Variants in IFI27L2 observed in about 807,000 individuals in gnomAD.
IFI27L2 encodes the protein interferon alpha inducible protein 27 like 2.
A neutral mutation model predicts 7.9 loss-of-function variants in IFI27L2; 8 were observed. The ratio of observed to expected loss-of-function variants is 1.02; its 90% confidence interval spans 0.60 to 1.84. The LOEUF (loss-of-function observed/expected upper bound fraction) is 1.84, where lower values mean the gene tolerates loss of function less well. IFI27L2 is among the 40% of genes most tolerant of loss of function. The probability of loss-of-function intolerance (pLI) is 0.00; values close to 1 mark genes in which losing one functional copy is unlikely to be tolerated. For synonymous variants in IFI27L2, 56 were observed against 66.5 expected (o/e 0.84, Z 0.77); for missense variants, 190 against 165.8 (o/e 1.15, Z -0.80).
chr14:94,128,226 A>G (rs1262788551), intron 3 of IFI27L2, among the ~76,000 whole-genome samples: 2 of 152,186 alleles, frequency 1.3e-5, no homozygotes, highest in Non-Finnish European at 2.9e-5. Context: ...GAGGCCACTG[A>G]GGCCCAGAGA....
intron 2 of IFI27L2, 130 bp from the exon 3 acceptor site, chr14:94,128,805 A>C: frequency 1.4e-6 from 1 of 713,638 alleles, no homozygotes; most frequent in Non-Finnish European, 2.3e-6. Context: ...ATGGCAACTT[A>C]GTGGTCTTCT....
intron 2 of IFI27L2, 55 bp from the exon 3 acceptor site, chr14:94,128,730 C>G (rs1887631212): frequency 7.0e-7 from 1 of 1,421,900 alleles, no homozygotes; most frequent in African/African-American, 1.4e-5. Context: ...GGGACCCTTC[C>G]CCCCGCCCCC....
At chr14:94,129,451 G>C in intron 1 of IFI27L2, 107 bp downstream of exon 1, 1 of 1,216,702 alleles carries the variant, frequency 8.2e-7, no homozygotes, top group East Asian at 2.4e-5. Context: ...AGGTCAGCTG[G>C]TTGATGAAGT....
rs777350726 is a variant in IFI27L2 at position 94,127,935 on chromosome 14, A to C, written c.257T>G (p.Leu86Trp). 2 of 1,613,840 alleles carry C rather than the reference A, an allele frequency of 1.2e-6. No individual in the cohort carries two copies. The highest frequency in any genetic ancestry group is 2.7e-5 in the African/African-American group (2 of 74,908). ...AGGTGAATTCCCCAAGCAGGCCCCC[A>C]ACACTGACCCAACAGAGGCCAGGAG... ...NILLASVGSVLGACLGNSPSS... is the reference protein window; with the variant it reads ...NILLASVGSVWGACLGNSPSS... The change falls in exon 4 of 4, where the codon TTG becomes TGG. Residue 86 changes from leucine to tryptophan, a missense_variant. Leu to Trp is a moderately conservative substitution (Grantham distance 61). Transcript: ENST00000238609.
At position 94,128,724 on chromosome 14, in the gene IFI27L2, C is replaced by A. The variant is rs914098226; in HGVS notation, c.38-49G>T. ...GCAGAGGTGGGCTCAGGAGAAGGGACCCTTCCCCCCGCCCCCCGCTTAGGA... is the reference window on the plus strand; with the variant it reads ...GCAGAGGTGGGCTCAGGAGAAGGGAACCTTCCCCCCGCCCCCCGCTTAGGA... On this transcript the variant is annotated intron_variant, in intron 2 of 3. Coordinates refer to ENST00000238609, the MANE Select transcript of IFI27L2 (RefSeq NM_032036.3). 6 of 1,495,170 alleles carry A rather than the reference C, an allele frequency of 4.0e-6. No individual in the cohort carries two copies. The African/African-American group carries it at 5.6e-5, about 14-fold the overall frequency. The allele number at this position is 1,495,170 out of a possible 1,614,324, so 92.6% of individuals were successfully genotyped here.
At position 94,128,559 on chromosome 14, in the gene IFI27L2, C is replaced by A. The variant is rs1450793248; in HGVS notation, c.154G>T (p.Gly52Cys). The change falls in exon 3 of 4, where the codon GGT (glycine) becomes TGT (cysteine). Residue 52 changes from glycine (G) to cysteine (C), a missense_variant. Coordinates refer to ENST00000238609, the MANE Select transcript of IFI27L2 (RefSeq NM_032036.3). ...ACCAGGCTCCCCGCAGAAACACCACCCCCGTTGGCAATGGCTGCTGCGGAC... is the reference window on the plus strand; with the variant it reads ...ACCAGGCTCCCCGCAGAAACACCACACCCGTTGGCAATGGCTGCTGCGGAC... ...MMSAAAIANG[G>C]GVSAGSLVAT... is the part of the protein sequence containing the mutation. 6.2e-7 allele frequency: 1 copy of A among 1,614,208 alleles called. No individual in the cohort carries two copies. The highest frequency in any genetic ancestry group is 8.5e-7 in the Non-Finnish European group (1 of 1,180,030).
Position 94,128,577 on chromosome 14 carries a change from C to A in IFI27L2, c.136G>T (p.Ala46Ser). The change falls in exon 3 of 4, where the codon GCA becomes TCA. Residue 46 changes from alanine (A) to serine (S), a missense_variant. Physicochemically the swap from Ala to Ser is moderately conservative, Grantham distance 99 (BLOSUM62 1). Coordinates refer to ENST00000238609, the MANE Select transcript of IFI27L2 (RefSeq NM_032036.3). ...SSIAAKMMSA[A>S]AIANGGGVSA... is the part of the protein sequence containing the mutation. The stretch of plus-strand genomic sequence containing the variant: ...ACACCACCCCCGTTGGCAATGGCTG[C>A]TGCGGACATCATCTTGGCTGCTATG... 1 of 1,614,192 alleles carries A rather than the reference C, an allele frequency of 6.2e-7. No homozygotes were observed. Among genetic ancestry groups the A allele is most frequent in the Non-Finnish European group, 8.5e-7 (1 of 1,180,000 alleles).
intron 3 of IFI27L2, 137 bp downstream of exon 3, chr14:94,128,377 G>A: frequency 1.3e-6 from 1 of 742,030 alleles, no homozygotes; most frequent in Admixed American, 2.3e-5. Context: ...GGAGCCAGAA[G>A]AGGGGACAGT....
chr14:94,129,213 G>A (rs757559983), intron 2 of IFI27L2, 49 bp downstream of exon 2: 1 of 1,528,930 alleles, frequency 6.5e-7, no homozygotes, highest in Non-Finnish European at 9.0e-7. Flanking sequence ...CAGCAGCCCG[G>A]GGACCAGGCT....
rs774478927 is a variant in IFI27L2 at position 94,127,962 on chromosome 14, A to G, written c.230T>C (p.Ile77Thr). The G allele has an allele frequency of 6.2e-7, 1 of 1,613,530 alleles. No individual in the cohort carries two copies. Among genetic ancestry groups the G allele is most frequent in the South Asian group, 1.1e-5 (1 of 91,048 alleles). The change falls in exon 4 of 4, where the codon ATC becomes ACC. Residue 77 changes from isoleucine (I) to threonine (T), a missense_variant. By Grantham distance (89) the Ile-to-Thr change is moderately conservative. Transcript: ENST00000238609. The part of the protein sequence containing the change: ...GAAGLSTSSN[I>T]LLASVGSVLG... ...CACTGACCCAACAGAGGCCAGGAGG[A>G]TGTTGGATGATGTGGAGAGTCCAGC...
intron 3 of IFI27L2, 49 bp from the exon 4 acceptor site, chr14:94,128,041 A>C (rs372866081): frequency 1.5e-6 from 2 of 1,333,042 alleles, no homozygotes; most frequent in African/African-American, 2.9e-5. Context: ...GTGGCCCAGA[A>C]ATCCCACCCG....
chr14:94,128,395 A>T, intron 3 of IFI27L2, 119 bp downstream of exon 3: 1 of 853,492 alleles, frequency 1.2e-6, no homozygotes, highest in Non-Finnish European at 1.9e-6. Context: ...AGTGAGGGAG[A>T]GACTGAAGAC....
chr14:94,129,543 G>A lies in IFI27L2; in HGVS notation c.7+15C>T. The A allele has an allele frequency of 6.2e-7, 1 of 1,613,312 alleles. No individual in the cohort carries two copies. The highest frequency in any genetic ancestry group is 8.5e-7 in the Non-Finnish European group (1 of 1,179,414). On this transcript the variant is annotated intron_variant, in intron 1 of 3. Transcript: ENST00000238609. ...CCAGCCCAGCCCGCCAGCCCCCTGGGGAAGCAAGACTCACTCATCATGGTG... is the reference window on the plus strand; with the variant it reads ...CCAGCCCAGCCCGCCAGCCCCCTGGAGAAGCAAGACTCACTCATCATGGTG...
chr14:94,129,529 C>T, intron 1 of IFI27L2, 29 bp downstream of exon 1: 1 of 1,610,452 alleles, frequency 6.2e-7, no homozygotes, highest in Non-Finnish European at 8.5e-7. Context: ...CAGCCCAGCC[C>T]GCCAGCCCCC....
chr14:94,127,938 A>C lies in IFI27L2; in HGVS notation c.254T>G (p.Val85Gly). Residue 85 changes from valine to glycine, a missense_variant, in exon 4 of 4, where the codon GTG becomes GGG. Physicochemically the swap from Val to Gly is moderately radical, Grantham distance 109. Transcript: ENST00000238609. ...TGAATTCCCCAAGCAGGCCCCCAAC[A>C]CTGACCCAACAGAGGCCAGGAGGAT... ...SNILLASVGSVLGACLGNSPS... is the reference protein window; with the variant it reads ...SNILLASVGSGLGACLGNSPS... 6.2e-7 allele frequency: 1 copy of C among 1,613,964 alleles called. No homozygotes were observed. The highest frequency in any genetic ancestry group is 1.3e-5 in the African/African-American group (1 of 75,036).
In IFI27L2 at chr14:94,127,856, A is replaced by C; in HGVS notation, c.336T>G (p.Asn112Lys). The C allele has an allele frequency of 6.2e-7, 1 of 1,614,060 alleles. No individual in the cohort carries two copies. Among genetic ancestry groups the C allele is most frequent in the Non-Finnish European group, 8.5e-7 (1 of 1,179,992 alleles). The change falls in exon 4 of 4, where the codon AAT becomes AAG. Residue 112 changes from asparagine to lysine, a missense_variant. Coordinates refer to ENST00000238609, the MANE Select transcript of IFI27L2 (RefSeq NM_032036.3). Reference sequence around the variant, plus strand: ...GTTTTGGAGGTTCACCTTGGGGTACATTTTCTCTTGCCTCATCTTCTTTAG... The same window carrying C: ...GTTTTGGAGGTTCACCTTGGGGTACCTTTTCTCTTGCCTCATCTTCTTTAG... ...PEAKEDEARENVPQGEPPKPP... is the reference protein window; with the variant it reads ...PEAKEDEAREKVPQGEPPKPP...
rs779078513 is a variant in IFI27L2 at position 94,128,614 on chromosome 14, G to A, written c.99C>T (p.Ile33=). 6.8e-6 allele frequency: 11 copies of A among 1,614,042 alleles called. No homozygotes were observed. Among genetic ancestry groups the A allele is most frequent in the South Asian group, 5.5e-5 (5 of 91,068 alleles). Residue 33 remains isoleucine, a synonymous_variant, in exon 3 of 4, where the codon ATC becomes ATT. Coordinates refer to ENST00000238609, the MANE Select transcript of IFI27L2 (RefSeq NM_032036.3). ...LSAMGFTGAG[I]AASSIAAKMM... ...TCTTGGCTGCTATGGAGGACGCGGC[G>A]ATTCCTGCCCCAGTGAAGCCCATGG... is the stretch of plus-strand genomic sequence containing the variant.
Position 94,128,542 on chromosome 14 carries a change from C to G in IFI27L2, c.171G>C (p.Gly57=), listed in dbSNP as rs1567084645. ...CGGACTGCAGAGTAGCCACCAGGCT[C>G]CCCGCAGAAACACCACCCCCGTTGG... ...AIANGGGVSA[G]SLVATLQSVG... is the part of the protein sequence containing the mutation. Residue 57 remains glycine (G), a synonymous_variant, in exon 3 of 4, where the codon GGG becomes GGC. Coordinates refer to ENST00000238609, the MANE Select transcript of IFI27L2 (RefSeq NM_032036.3). The G allele has an allele frequency of 6.2e-7, 1 of 1,614,198 alleles. No individual in the cohort carries two copies. The highest frequency in any genetic ancestry group is 8.5e-7 in the Non-Finnish European group (1 of 1,180,016).
Position 94,128,580 on chromosome 14 carries a change from C to CG in IFI27L2, c.132dup (p.Ala45ArgfsTer57), listed in dbSNP as rs1567084673. 5.0e-6 allele frequency: 8 copies of CG among 1,614,160 alleles called. No individual in the cohort carries two copies. In the South Asian group the frequency reaches 8.8e-5, roughly 18 times the overall value. On this transcript the variant is annotated frameshift_variant, in exon 3 of 4. Transcript: ENST00000238609. LOFTEE classifies it high-confidence loss of function. ...CCACCCCCGTTGGCAATGGCTGCTG[C>CG]GGACATCATCTTGGCTGCTATGGAG...
Sources: allele counts gnomAD v4.1 joint callset (sites outside exome capture counted in the v4.1 genomes callset), GRCh38; gene constraint gnomAD v4.1.1; transcripts MANE v1.5; gene names NCBI Gene and HGNC (gene_info 2026-07-23, HGNC 2026-07-21).